MCCC2: variants seen among roughly 807,000 people sequenced by gnomAD.
MCCC2 encodes methylcrotonoyl-CoA carboxylase beta chain, mitochondrial.
MCCC2 carries 52 observed loss-of-function variants against 77.2 expected under a neutral mutation model. That is an observed-to-expected ratio of 0.67 (90% CI 0.54 to 0.85). The LOEUF (loss-of-function observed/expected upper bound fraction) is 0.85, where lower values mean the gene tolerates loss of function less well. Among genes scored for constraint, MCCC2 ranks in the 40% least tolerant of loss-of-function variants. The pLI, the probability that MCCC2 is intolerant of heterozygous loss-of-function variation, is 0.00. For synonymous variants in MCCC2, 253 were observed against 248.4 expected (o/e 1.02, Z -0.18); for missense variants, 682 against 703.2 (o/e 0.97, Z 0.34).
intron 2 of MCCC2, among the ~76,000 whole-genome samples, chr5:71,595,255 A>G (rs1745137026): frequency 6.7e-6 from 1 of 149,458 alleles, no homozygotes; most frequent in Non-Finnish European, 1.5e-5. Flanking sequence ...AGCCTGGGCA[A>G]CAGAGTGAGA....
chr5:71,624,109 A>G (rs1266708175), intron 6 of MCCC2, among the ~76,000 whole-genome samples: 1 of 152,114 alleles, frequency 6.6e-6, no homozygotes, highest in East Asian at 1.9e-4. Flanking sequence ...GTTCTTGACT[A>G]TGTTCTCACA....
At chr5:71,653,074 AATAAGTT>A (rs1747484413) in intron 16 of MCCC2, among the ~76,000 whole-genome samples, 1 of 152,230 alleles carries the variant, frequency 6.6e-6, no homozygotes, top group Non-Finnish European at 1.5e-5. Flanking sequence ...AGGAGCCGAG[AATAAGTT>A]ATAAGCTTGG....
Position 71,602,578 on chromosome 5 carries a change from A to G in MCCC2, c.456A>G (p.Lys152=), listed in dbSNP as rs1409261895. The G allele has an allele frequency of 1.9e-6, 3 of 1,614,076 alleles. No homozygotes were observed. The highest frequency in any genetic ancestry group is 3.3e-5 in the Admixed American group (2 of 60,000). ...CCTACTACCCAGTGACTGTGAAAAA[A>G]CAATTACGGGCCCAAGAAATTGCCA... The part of the protein sequence containing the change: ...GGAYYPVTVK[K]QLRAQEIAMQ... The change falls in exon 5 of 17, where the codon AAA becomes AAG. Residue 152 remains lysine (K), a synonymous_variant. Coordinates refer to ENST00000340941, the MANE Select transcript of MCCC2 (RefSeq NM_022132.5).
At position 71,649,146 on chromosome 5, in the gene MCCC2, T is replaced by C. The variant is rs1747358663; in HGVS notation, c.1266T>C (p.Gly422=). 1.2e-6 allele frequency: 2 copies of C among 1,614,236 alleles called. No individual in the cohort carries two copies. The highest frequency in any genetic ancestry group is 1.7e-6 in the Non-Finnish European group (2 of 1,180,034). The change falls in exon 14 of 17, where the codon GGT becomes GGC. Residue 422 remains glycine, a synonymous_variant. Coordinates refer to ENST00000340941, the MANE Select transcript of MCCC2 (RefSeq NM_022132.5). ...EYEAEGIAKD[G]AKMVAAVACA... ...AAGCTGAAGGAATTGCCAAGGATGG[T>C]GCCAAGATGGTGGCCGCTGTGGCCT...
chr5:71,599,157 TAAGGAGTTTGAG>T (rs1264930675), intron 3 of MCCC2, among the ~76,000 whole-genome samples: 1 of 151,892 alleles, frequency 6.6e-6, no homozygotes, highest in African/African-American at 2.4e-5. Context: ...AACCTTCAGG[TAAGGAGTTTGAG>T]ACCAGCCTGG....
In MCCC2 at chr5:71,633,110, TA is replaced by T. The variant is rs1746784096; in HGVS notation, c.803+926del. On this transcript the variant is annotated intron_variant, in intron 8 of 16. Coordinates refer to ENST00000340941, the MANE Select transcript of MCCC2 (RefSeq NM_022132.5). ...TCAGTTTTATATATATATATATATA[TA>T]TATATATATATATATATATATTTTT... Among the ~76,000 whole-genome samples the T allele has an allele frequency of 2.0e-3, 53 of 26,198 alleles. 3 individuals are homozygous for T. Among genetic ancestry groups the T allele is most frequent in the South Asian group, 0.016 (10 of 610 alleles). The allele number at this position is 26,198 out of a possible 152,430, so 17.2% of individuals were successfully genotyped here. A position where few individuals can be genotyped will look rare whatever the true frequency, so the allele number is the denominator to read the frequency against.
intron 4 of MCCC2, 77 bp downstream of exon 4, chr5:71,599,837 T>A: frequency 8.7e-7 from 1 of 1,145,808 alleles, no homozygotes; most frequent in African/African-American, 1.5e-5. Flanking sequence ...AGCACTCACT[T>A]TGCATATTAG....
Position 71,657,331 on chromosome 5 carries a change from C to T in MCCC2, c.*471C>T, listed in dbSNP as rs540917121. On this transcript the variant is annotated 3_prime_UTR_variant, in exon 17 of 17. Transcript: ENST00000340941. ...CTGCTGTGCAGCCATCACCACCATT[C>T]ATCTCCAGAATTTGTTCTCAGTCCC... is the stretch of plus-strand genomic sequence containing the variant. 1.2e-5 allele frequency: 2 copies of T among 170,402 alleles called. No homozygotes were observed. Among genetic ancestry groups the T allele is most frequent in the Non-Finnish European group, 2.5e-5 (2 of 79,370 alleles). 10.6% of individuals were successfully genotyped at this position (170,402 alleles called of 1,614,324 possible). A position where few individuals can be genotyped will look rare whatever the true frequency, so the allele number is the denominator to read the frequency against.
intron 6 of MCCC2, among the ~76,000 whole-genome samples, chr5:71,612,069 G>T (rs1445746261): frequency 6.6e-6 from 1 of 152,080 alleles, no homozygotes; most frequent in Non-Finnish European, 1.5e-5. Context: ...CTCCCAAAGT[G>T]CTGGGATAAC....
rs1288964452 is a variant in MCCC2 at position 71,657,061 on chromosome 5, C to A, written c.*201C>A. The A allele has an allele frequency of 1.2e-5, 6 of 517,220 alleles. No homozygotes were observed. The highest frequency in any genetic ancestry group is 3.9e-5 in the African/African-American group (2 of 51,804). The allele number at this position is 517,220 out of a possible 1,614,324, so 32.0% of individuals were successfully genotyped here. A position where few individuals can be genotyped will look rare whatever the true frequency, so the allele number is the denominator to read the frequency against. On this transcript the variant is annotated 3_prime_UTR_variant, in exon 17 of 17. Transcript: ENST00000340941. ...CTTTTAAATTTTCTTAGAGAAATTT[C>A]TCTGTGGCTCAGTTTTACCACCCAT...
Position 71,649,078 on chromosome 5 carries a change from T to C in MCCC2, c.1217-19T>C, listed in dbSNP as rs967358781. The C allele has an allele frequency of 6.2e-7, 1 of 1,614,118 alleles. No homozygotes were observed. Among genetic ancestry groups the C allele is most frequent in the Non-Finnish European group, 8.5e-7 (1 of 1,179,910 alleles). On this transcript the variant is annotated intron_variant, in intron 13 of 16. Transcript: ENST00000340941. ...TTAATCCCATCACCCAGAGGCTCTC[T>C]TTCTGATCTTTCTCTCAGGATTTAT...
At chr5:71,619,857 G>C (rs1746299904) in intron 6 of MCCC2, among the ~76,000 whole-genome samples, 1 of 152,050 alleles carries the variant, frequency 6.6e-6, no homozygotes, top group Non-Finnish European at 1.5e-5. Flanking sequence ...CGGGCATGGT[G>C]GTGGGTGCCT....
intron 7 of MCCC2, among the ~76,000 whole-genome samples, chr5:71,629,442 T>C (rs1279111684): frequency 6.6e-6 from 1 of 152,164 alleles, no homozygotes; most frequent in African/African-American, 2.4e-5. Flanking sequence ...GTGAATGTAC[T>C]AAAAGCCACT....
chr5:71,609,231 A>G (rs1745816708), intron 6 of MCCC2, among the ~76,000 whole-genome samples: 1 of 149,610 alleles, frequency 6.7e-6, no homozygotes, highest in African/African-American at 2.4e-5. Flanking sequence ...TGGTCTTTTC[A>G]CATAGTCCCA....
chr5:71,597,930 C>G (rs1184954185), intron 3 of MCCC2, among the ~76,000 whole-genome samples: 2 of 152,172 alleles, frequency 1.3e-5, no homozygotes, highest in African/African-American at 2.4e-5. Context: ...TTATGAAGCT[C>G]CCGGCTCTGC....
intron 5 of MCCC2, among the ~76,000 whole-genome samples, chr5:71,603,415 C>CAAAAA (rs10538231): frequency 2.7e-5 from 2 of 74,234 alleles, no homozygotes; most frequent in Non-Finnish European, 5.0e-5. Context: ...GAGACTGTCT[C>CAAAAA]AAAAAAAAAA....
chr5:71,642,106 T>G (rs866982991), intron 11 of MCCC2, among the ~76,000 whole-genome samples: 6 of 152,178 alleles, frequency 3.9e-5, no homozygotes, highest in Non-Finnish European at 8.8e-5. Flanking sequence ...TCCTACTTGC[T>G]AAAAGCCCTG....
chr5:71,647,593 G>C (rs1226667637), intron 13 of MCCC2, among the ~76,000 whole-genome samples: 1 of 152,140 alleles, frequency 6.6e-6, no homozygotes, highest in East Asian at 1.9e-4. Flanking sequence ...CATTGCATTT[G>C]AGGTTCCTGT....
At chr5:71,646,077 T>A (rs1747265579) in intron 12 of MCCC2, 134 bp from the exon 13 acceptor site, 8 of 602,640 alleles carry the variant, frequency 1.3e-5, no homozygotes, top group Admixed American at 9.5e-5. Context: ...AAAAAAAAAA[T>A]TAATAAGAAG....
Sources: gnomAD v4.1 joint callset for allele counts (sites outside exome capture counted in the v4.1 genomes callset) on GRCh38, gnomAD v4.1.1 for gene constraint, MANE v1.5 for transcripts, NCBI Gene and HGNC (gene_info 2026-07-23, HGNC 2026-07-21) for gene names.